Variants in SYT7 observed in about 807,000 individuals in gnomAD.
The protein encoded by SYT7 is synaptotagmin 7.
In SYT7, 29 loss-of-function variants were observed where a neutral mutation model predicts 75.1. That is an observed-to-expected ratio of 0.39 (90% CI 0.29 to 0.53). The LOEUF is 0.53. Among genes scored for constraint, SYT7 ranks in the 20% least tolerant of loss-of-function variants. SYT7 has a pLI of 0.77. For missense variants in SYT7, 693 were observed against 953.2 expected, an observed-to-expected ratio of 0.73 and a Z score of 3.59; for synonymous variants, 376 against 401.7, an observed-to-expected ratio of 0.94 and a Z score of 0.76.
intron 1 of SYT7, among the ~76,000 whole-genome samples, chr11:61,560,544 C>T (rs1341585438): frequency 4.6e-5 from 7 of 152,156 alleles, no homozygotes; most frequent in Non-Finnish European, 7.3e-5. Flanking sequence ...CAGCCTCCCT[C>T]GGACAGCCCT....
chr11:61,525,470 G>A (rs576483675), intron 9 of SYT7, among the ~76,000 whole-genome samples: 15 of 152,002 alleles, frequency 9.9e-5, no homozygotes, highest in South Asian at 6.2e-4. Flanking sequence ...CCTCAGGGCC[G>A]GGCGCACACT....
At chr11:61,539,226 C>T (rs765733034) in intron 6 of SYT7, among the ~76,000 whole-genome samples, 41 of 152,072 alleles carry the variant, frequency 2.7e-4, no homozygotes, top group Non-Finnish European at 4.6e-4. Flanking sequence ...CAAGGCTGAA[C>T]GGGGAGGGGG....
At chr11:61,563,323 G>A (rs1290410656) in intron 1 of SYT7, among the ~76,000 whole-genome samples, 1 of 152,226 alleles carries the variant, frequency 6.6e-6, no homozygotes, top group Non-Finnish European at 1.5e-5. Context: ...CAAGGCCCAT[G>A]CTGGGCCTGA....
At chr11:61,577,317 C>CG (rs1754168653) in intron 1 of SYT7, among the ~76,000 whole-genome samples, 1 of 152,252 alleles carries the variant, frequency 6.6e-6, no homozygotes, top group South Asian at 2.1e-4. Context: ...AGTCCGGACT[C>CG]TAACTCAAGC....
intron 9 of SYT7, 141 bp downstream of exon 9, chr11:61,527,774 T>C (rs1020896367): frequency 2.0e-6 from 2 of 983,870 alleles, no homozygotes. Flanking sequence ...TGTATCTGCT[T>C]GCATGTGTGT....
intron 1 of SYT7, among the ~76,000 whole-genome samples, chr11:61,566,861 G>T (rs2063782814): frequency 6.6e-6 from 1 of 152,190 alleles, no homozygotes; most frequent in Non-Finnish European, 1.5e-5. Context: ...GCACTTAAAA[G>T]CTCCTCATGC....
chr11:61,514,714 C>T lies in SYT7; in HGVS notation c.*3913G>A, dbSNP rs1362064777. 1.3e-5 allele frequency among the ~76,000 whole-genome samples: 2 copies of T among 152,142 alleles called. No homozygotes were observed. Among genetic ancestry groups the T allele is most frequent in the African/African-American group, 2.4e-5 (1 of 41,434 alleles). The stretch of plus-strand genomic sequence containing the variant: ...CAGAGGCTGCAGAAGGGATTACAAC[C>T]CAGCTTCCCACACCTCAGGCTGGAA... On this transcript the variant is annotated 3_prime_UTR_variant, in exon 13 of 13. Transcript: ENST00000539008.
At chr11:61,544,777 G>A (rs759767086) in intron 5 of SYT7, among the ~76,000 whole-genome samples, 19 of 152,224 alleles carry the variant, frequency 1.2e-4, no homozygotes, top group African/African-American at 3.9e-4. Context: ...GCACTGGGCC[G>A]GGCTCTCTGA....
chr11:61,547,966 T>G (rs539676075), intron 3 of SYT7, among the ~76,000 whole-genome samples: 80 of 152,322 alleles, frequency 5.3e-4, no homozygotes, highest in Admixed American at 7.8e-4. Context: ...ATCTTTCTCC[T>G]CCTCCTCCCA....
chr11:61,559,358 A>T (rs888005355), intron 1 of SYT7, among the ~76,000 whole-genome samples: 13 of 152,166 alleles, frequency 8.5e-5, no homozygotes, highest in Non-Finnish European at 1.6e-4. Flanking sequence ...TGTCAGGCAC[A>T]TGGCGTGAGG....
intron 7 of SYT7, among the ~76,000 whole-genome samples, chr11:61,537,340 C>A (rs113546093): frequency 6.6e-6 from 1 of 151,964 alleles, no homozygotes; most frequent in African/African-American, 2.4e-5. Flanking sequence ...CAGCGCCCCA[C>A]CCCCTCCCTG....
At chr11:61,529,501 C>T (rs1565171413) in intron 8 of SYT7, among the ~76,000 whole-genome samples, 2 of 152,198 alleles carry the variant, frequency 1.3e-5, no homozygotes, top group African/African-American at 2.4e-5. Flanking sequence ...GCAGTAGGAA[C>T]CCTCTCTGAC....
At chr11:61,527,077 G>T (rs910554506) in intron 9 of SYT7, among the ~76,000 whole-genome samples, 1 of 152,182 alleles carries the variant, frequency 6.6e-6, no homozygotes, top group Non-Finnish European at 1.5e-5. Context: ...CACACGCCCA[G>T]CTTCCTGGTT....
At chr11:61,530,617 G>A (rs912787574) in intron 8 of SYT7, among the ~76,000 whole-genome samples, 2 of 152,120 alleles carry the variant, frequency 1.3e-5, no homozygotes, top group African/African-American at 4.8e-5. Context: ...AAGATCACTC[G>A]CCCTCCCCCT....
At chr11:61,531,665 AG>A (rs2062713221) in intron 8 of SYT7, among the ~76,000 whole-genome samples, 2 of 152,036 alleles carry the variant, frequency 1.3e-5, no homozygotes, top group Non-Finnish European at 2.9e-5. Context: ...AGGCCGAGGC[AG>A]GTGGATCACT....
At chr11:61,574,589 A>C (rs535583588) in intron 1 of SYT7, among the ~76,000 whole-genome samples, 12 of 151,864 alleles carry the variant, frequency 7.9e-5, no homozygotes, top group African/African-American at 2.9e-4. Context: ...AGTGTTTCCA[A>C]GGGTCCCTTG....
chr11:61,528,741 C>T (rs572390768), intron 8 of SYT7, among the ~76,000 whole-genome samples: 6 of 152,288 alleles, frequency 3.9e-5, no homozygotes, highest in South Asian at 2.1e-4. Context: ...TCAGGAGCAA[C>T]GTCTGTTTGT....
chr11:61,514,208 TCA>T lies in SYT7; in HGVS notation c.*4417_*4418del, dbSNP rs1209887691. On this transcript the variant is annotated 3_prime_UTR_variant, in exon 13 of 13. Transcript: ENST00000539008. ...GCCTGAGCTGTCTCTGACTTCAGGC[TCA>T]GTTTTCCAGGGCTGCTTTCATGGAG... Among the ~76,000 whole-genome samples, 3 of 152,202 alleles carry T rather than the reference TCA, an allele frequency of 2.0e-5. No homozygotes were observed. Among genetic ancestry groups the T allele is most frequent in the Admixed American group, 6.5e-5 (1 of 15,286 alleles).
At chr11:61,536,210 C>T (rs762842965) in intron 7 of SYT7, among the ~76,000 whole-genome samples, 15 of 152,186 alleles carry the variant, frequency 9.9e-5, no homozygotes, top group South Asian at 2.1e-4. Context: ...CCCCCACACC[C>T]GCCTTTCCCA....
Sources: gnomAD v4.1 joint callset for allele counts (sites outside exome capture counted in the v4.1 genomes callset) on GRCh38, gnomAD v4.1.1 for gene constraint, MANE v1.5 for transcripts, NCBI Gene and HGNC (gene_info 2026-07-23, HGNC 2026-07-21) for gene names.